Variants in SORCS3 observed in about 807,000 individuals in gnomAD.
SORCS3 encodes VPS10 domain-containing receptor SorCS3.
In SORCS3, 57 loss-of-function variants were observed where a neutral mutation model predicts 146.3. The ratio of observed to expected loss-of-function variants is 0.39; its 90% confidence interval spans 0.31 to 0.49. The LOEUF is 0.49. SORCS3 is among the 20% of genes least tolerant of loss of function. The pLI is 0.92. For synonymous variants in SORCS3, 653 were observed against 618.5 expected (o/e 1.06, Z -0.83); for missense variants, 1,341 against 1,575.5 (o/e 0.85, Z 2.52).
At chr10:104,843,538 C>T (rs1344238982) in intron 2 of SORCS3, among the ~76,000 whole-genome samples, 1 of 152,186 alleles carries the variant, frequency 6.6e-6, no homozygotes, top group South Asian at 2.1e-4. Context: ...GTGAGCCTAG[C>T]TGCTGTACCT....
chr10:105,156,219 TA>T (rs2056207545), intron 9 of SORCS3, among the ~76,000 whole-genome samples: 1 of 152,242 alleles, frequency 6.6e-6, no homozygotes, highest in African/African-American at 2.4e-5. Context: ...GGCAATATGC[TA>T]TTTGCTATTT....
intron 7 of SORCS3, among the ~76,000 whole-genome samples, chr10:105,111,164 T>C (rs1415703556): frequency 6.6e-6 from 1 of 152,028 alleles, no homozygotes; most frequent in Non-Finnish European, 1.5e-5. Flanking sequence ...GTATATGCCT[T>C]TCTTATATAT....
chr10:104,821,474 G>T (rs2017872502), intron 1 of SORCS3, among the ~76,000 whole-genome samples: 2 of 152,148 alleles, frequency 1.3e-5, no homozygotes, highest in African/African-American at 4.8e-5. Flanking sequence ...TCCTTTTTGG[G>T]TCTTCTAGAT....
intron 17 of SORCS3, among the ~76,000 whole-genome samples, chr10:105,213,611 A>G (rs1056597562): frequency 1.3e-5 from 2 of 152,138 alleles, no homozygotes; most frequent in African/African-American, 2.4e-5. Context: ...CATCATGCAG[A>G]TCAGGGTTGT....
chr10:104,977,738 T>C (rs1026468181), intron 4 of SORCS3, among the ~76,000 whole-genome samples: 6 of 148,210 alleles, frequency 4.0e-5, no homozygotes, highest in African/African-American at 1.5e-4. Flanking sequence ...TTCTTTTTTT[T>C]TTTTTTTTTT....
intron 1 of SORCS3, among the ~76,000 whole-genome samples, chr10:104,779,919 A>G (rs936464345): frequency 7.2e-5 from 11 of 152,170 alleles, no homozygotes; most frequent in African/African-American, 2.7e-4. Context: ...TATTAGAAGT[A>G]TGAATTATTT....
rs559403621 is a variant in SORCS3 at position 105,199,318 on chromosome 10, T to C, written c.2010-681T>C. The stretch of plus-strand genomic sequence containing the variant: ...GGGCTTTGAAAAGGTCAGTATTGAT[T>C]ATCTAAGTCACAGATGGTGTGCTTC... On this transcript the variant is annotated intron_variant, in intron 14 of 26. Transcript: ENST00000369701. 3.1e-4 allele frequency among the ~76,000 whole-genome samples: 47 copies of C among 152,260 alleles called. No individual in the cohort carries two copies. The East Asian group carries it at 4.1e-3, about 13-fold the overall frequency.
At chr10:105,076,213 G>A (rs1034077759) in intron 5 of SORCS3, among the ~76,000 whole-genome samples, 5 of 152,200 alleles carry the variant, frequency 3.3e-5, no homozygotes, top group African/African-American at 1.2e-4. Flanking sequence ...ATTAATAAAT[G>A]TAGAGTTGAG....
intron 14 of SORCS3, among the ~76,000 whole-genome samples, chr10:105,198,383 C>A (rs917902292): frequency 6.6e-6 from 1 of 152,130 alleles, no homozygotes; most frequent in African/African-American, 2.4e-5. Context: ...ATCAAGGTCT[C>A]CTCCCACTGT....
intron 2 of SORCS3, among the ~76,000 whole-genome samples, chr10:104,880,745 G>A (rs1471301494): frequency 6.6e-6 from 1 of 152,012 alleles, no homozygotes; most frequent in Non-Finnish European, 1.5e-5. Context: ...CCCTCATCCT[G>A]ACCCCCTGCC....
chr10:105,023,100 CTA>C (rs956771032), intron 4 of SORCS3, among the ~76,000 whole-genome samples: 8 of 152,134 alleles, frequency 5.3e-5, no homozygotes, highest in Non-Finnish European at 1.0e-4. Context: ...GAGAATGTGG[CTA>C]TATGCCACTA....
In SORCS3 at chr10:105,262,334, A is replaced by T. The variant is rs1190315390; in HGVS notation, c.3447A>T (p.Lys1149Asn). ...AVFLIYKFKRKIPWINIYAQV... is the reference protein window; with the variant it reads ...AVFLIYKFKRNIPWINIYAQV... ...ATTTTGCTCCTGTCCCATGTAGGAA[A>T]ATCCCTTGGATTAACATCTATGCTC... Residue 1149 changes from lysine to asparagine, a missense_variant, in exon 26 of 27, where the codon AAA (lysine) becomes AAT (asparagine). Physicochemically the swap from Lys to Asn is moderately conservative, Grantham distance 94. Coordinates refer to ENST00000369701, the MANE Select transcript of SORCS3 (RefSeq NM_014978.3). 6.2e-7 allele frequency: 1 copy of T among 1,612,324 alleles called. No individual in the cohort carries two copies. The highest frequency in any genetic ancestry group is 8.5e-7 in the Non-Finnish European group (1 of 1,178,790).
intron 1 of SORCS3, among the ~76,000 whole-genome samples, chr10:104,675,056 G>GT (rs1166562340): frequency 2.6e-5 from 4 of 152,154 alleles, no homozygotes; most frequent in African/African-American, 7.2e-5. Context: ...TTCCAGAGTG[G>GT]TTGTACCGAT....
At chr10:104,920,870 C>T (rs148235791) in intron 3 of SORCS3, among the ~76,000 whole-genome samples, 78 of 152,312 alleles carry the variant, frequency 5.1e-4, no homozygotes, top group Middle Eastern at 6.8e-3. Context: ...ATTTTAATGA[C>T]CTTGACCCAC....
chr10:105,196,356 C>T (rs2056544265), intron 14 of SORCS3, among the ~76,000 whole-genome samples: 1 of 152,236 alleles, frequency 6.6e-6, no homozygotes. Flanking sequence ...GTAATCCCAG[C>T]ACTTTGGGAG....
intron 14 of SORCS3, among the ~76,000 whole-genome samples, chr10:105,186,670 G>A (rs775805719): frequency 6.6e-6 from 1 of 151,868 alleles, no homozygotes; most frequent in Admixed American, 6.6e-5. Flanking sequence ...ATCACCTGAG[G>A]TCAGGAGTTT....
intron 4 of SORCS3, among the ~76,000 whole-genome samples, chr10:105,008,404 T>G (rs2055110867): frequency 6.6e-6 from 1 of 152,178 alleles, no homozygotes; most frequent in Non-Finnish European, 1.5e-5. Flanking sequence ...AGGAAATATA[T>G]TCAAACCTGG....
At chr10:104,655,704 G>T (rs949850618) in intron 1 of SORCS3, among the ~76,000 whole-genome samples, 1 of 152,068 alleles carries the variant, frequency 6.6e-6, no homozygotes, top group Admixed American at 6.6e-5. Flanking sequence ...CCATCCTCTT[G>T]GTACTGTCCT....
intron 1 of SORCS3, among the ~76,000 whole-genome samples, chr10:104,682,374 G>T (rs1360284423): frequency 1.3e-5 from 2 of 152,234 alleles, no homozygotes; most frequent in African/African-American, 4.8e-5. Flanking sequence ...AGCTGGGCCA[G>T]TTTCTTAGCC....
Sources: gnomAD v4.1 joint callset for allele counts (sites outside exome capture counted in the v4.1 genomes callset) on GRCh38, gnomAD v4.1.1 for gene constraint, MANE v1.5 for transcripts, NCBI Gene and HGNC (gene_info 2026-07-23, HGNC 2026-07-21) for gene names.